Variants in C11orf65 observed in about 807,000 individuals in gnomAD.
C11orf65 encodes the protein protein MFI.
In C11orf65, 38 loss-of-function variants were observed where a neutral mutation model predicts 35.3. That is an observed-to-expected ratio of 1.08 (90% confidence interval 0.83 to 1.41). The LOEUF (loss-of-function observed/expected upper bound fraction) is 1.41, where lower values mean the gene tolerates loss of function less well. Ranked by LOEUF, C11orf65 falls within the 40% of genes most tolerant of loss-of-function variation. The pLI, the probability that C11orf65 is intolerant of heterozygous loss-of-function variation, is 0.00. For synonymous variants in C11orf65, 105 were observed against 114.4 expected, an observed-to-expected ratio of 0.92 and a Z score of 0.53; for missense variants, 370 against 367.1, an observed-to-expected ratio of 1.01 and a Z score of -0.06.
At chr11:108,405,615 T>C in intron 5 of C11orf65, 56 bp from the exon 6 acceptor site, 1 of 1,559,412 alleles carries the variant, frequency 6.4e-7, no homozygotes, top group Non-Finnish European at 8.8e-7. Context: ...TGTGAGGTTA[T>C]CTGGCAATAG....
intron 2 of C11orf65, among the ~76,000 whole-genome samples, chr11:108,348,098 C>G (rs2088676423): frequency 6.6e-6 from 1 of 151,956 alleles, no homozygotes; most frequent in Non-Finnish European, 1.5e-5. Flanking sequence ...AGGAATATAT[C>G]AAGTTTTGTA....
At chr11:108,425,337 A>T (rs1394361360) in intron 3 of C11orf65, among the ~76,000 whole-genome samples, 1 of 152,246 alleles carries the variant, frequency 6.6e-6, no homozygotes, top group African/African-American at 2.4e-5. Context: ...TCCCAGAGAA[A>T]TACAAACTAT....
chr11:108,408,711 AAT>A (rs2092598708), intron 3 of C11orf65, among the ~76,000 whole-genome samples: 3 of 127,462 alleles, frequency 2.4e-5, no homozygotes, highest in East Asian at 2.2e-4. Context: ...AATAAAATAA[AAT>A]AAAATAAAAT....
intron 3 of C11orf65, among the ~76,000 whole-genome samples, chr11:108,421,359 C>A (rs1222458724): frequency 6.6e-6 from 1 of 152,094 alleles, no homozygotes; most frequent in African/African-American, 2.4e-5. Flanking sequence ...CCAGACAAAT[C>A]AAAATACACA....
downstream of C11orf65, chr11:108,330,390 C>T (rs1449747119): frequency 2.5e-6 from 4 of 1,614,096 alleles, no homozygotes; most frequent in Admixed American, 3.3e-5. Context: ...CTTGAAAATT[C>T]TGGAGTTTCT....
At chr11:108,383,199 A>G (rs543967349) in intron 8 of C11orf65, 24 bp from the exon 9 acceptor site, 1 of 1,531,622 alleles carries the variant, frequency 6.5e-7, no homozygotes, top group East Asian at 2.3e-5. Context: ...ACAAATGATT[A>G]GAAAGATACC....
At chr11:108,437,707 TAAAAAAAAAAAAAAAAAA>T (rs145337876) in intron 2 of C11orf65, among the ~76,000 whole-genome samples, 4 of 38,032 alleles carry the variant, frequency 1.1e-4, no homozygotes, top group East Asian at 1.6e-3. Context: ...GACTCAGTCT[TAAAAAAAAAAAAAAAAAA>T]AAAAAAAAAA....
chr11:108,451,143 G>C (rs1016547203), intron 2 of C11orf65, among the ~76,000 whole-genome samples: 1 of 151,942 alleles, frequency 6.6e-6, no homozygotes, highest in Non-Finnish European at 1.5e-5. Context: ...ACATAGTGTT[G>C]GAAGTTCGGG....
intron 3 of C11orf65, chr11:108,333,992 T>G (rs768698176): frequency 1.3e-6 from 2 of 1,561,564 alleles, no homozygotes; most frequent in South Asian, 1.1e-5. Flanking sequence ...AACTCTTGAT[T>G]TTTTTTAAAC....
intron 6 of C11orf65, chr11:108,321,517 T>C (rs1444656720): frequency 1.3e-6 from 2 of 1,553,872 alleles, no homozygotes; most frequent in Non-Finnish European, 1.8e-6. Flanking sequence ...GCACGGTGGC[T>C]CATGCCTGTA....
At position 108,406,797 on chromosome 11, in the gene C11orf65, A is replaced by C; in HGVS notation, c.395T>G (p.Ile132Arg). 6.2e-7 allele frequency: 1 copy of C among 1,611,140 alleles called. No individual in the cohort carries two copies. The highest frequency in any genetic ancestry group is 1.1e-5 in the South Asian group (1 of 90,734). The change falls in exon 5 of 9, where the codon ATA becomes AGA. Residue 132 changes from isoleucine (I) to arginine (R), a missense_variant. Coordinates refer to ENST00000393084, the MANE Select transcript of C11orf65 (RefSeq NM_152587.5). ...EEDHSGWYHR[I>R]ENNGWRPVSD... ...AACTGGCCTCCAGCCATTGTTTTCTATACGATGATACCAGCCACTATGATC... is the reference window on the plus strand; with the variant it reads ...AACTGGCCTCCAGCCATTGTTTTCTCTACGATGATACCAGCCACTATGATC...
intron 6 of C11orf65, among the ~76,000 whole-genome samples, chr11:108,311,016 G>A (rs935134977): frequency 1.2e-4 from 18 of 152,332 alleles, no homozygotes; most frequent in African/African-American, 4.3e-4. Context: ...CGCCCAGGCT[G>A]TGGTGCAGTG....
intron 2 of C11orf65, among the ~76,000 whole-genome samples, chr11:108,363,284 G>T (rs912127995): frequency 3.9e-5 from 6 of 152,092 alleles, no homozygotes; most frequent in Admixed American, 1.3e-4. Context: ...TTTCTGAACT[G>T]ATCTCCCCGC....
chr11:108,316,190 A>T (rs2084634113), intron 6 of C11orf65: 1 of 1,294,376 alleles, frequency 7.7e-7, no homozygotes, highest in East Asian at 2.4e-5. Flanking sequence ...GTGGATATTT[A>T]CACAGCCAGA....
chr11:108,438,776 C>A (rs535522418), intron 2 of C11orf65, among the ~76,000 whole-genome samples: 1 of 151,916 alleles, frequency 6.6e-6, no homozygotes, highest in Non-Finnish European at 1.5e-5. Flanking sequence ...GAGGCCAAGG[C>A]GGGCAGATCA....
Position 108,359,872 on chromosome 11 carries a change from TC to T in C11orf65, c.227-24581del, listed in dbSNP as rs554537337. Reference sequence around the variant, plus strand: ...AAGATCCAAAACTGACACCCTAACATCACAATTAAAAGAGCTAGAAAAGGAA... The same window carrying T: ...AAGATCCAAAACTGACACCCTAACATACAATTAAAAGAGCTAGAAAAGGAA... On this transcript the variant is annotated intron_variant, in intron 2 of 3. Coordinates refer to the C11orf65 transcript ENST00000524755. 2.1e-3 allele frequency among the ~76,000 whole-genome samples: 315 copies of T among 151,882 alleles called. 1 individual carries two copies. The highest frequency in any genetic ancestry group is 7.1e-3 in the African/African-American group (294 of 41,386).
At chr11:108,330,970 T>A (rs1052842254), downstream of C11orf65, among the ~76,000 whole-genome samples, 26 of 152,182 alleles carry the variant, frequency 1.7e-4, 1 homozygote, top group Non-Finnish European at 2.9e-4. Context: ...ATATTGTTAG[T>A]CAATTTGAAG....
chr11:108,398,032 C>T (rs2092359772), intron 6 of C11orf65, among the ~76,000 whole-genome samples: 1 of 152,074 alleles, frequency 6.6e-6, no homozygotes, highest in Non-Finnish European at 1.5e-5. Context: ...CTATTTGGGC[C>T]AAGTATCAAA....
At chr11:108,345,976 C>A (rs2137044393) in intron 2 of C11orf65, 2 of 1,579,742 alleles carry the variant, frequency 1.3e-6, no homozygotes, top group South Asian at 1.1e-5. Flanking sequence ...TTGTTTGATT[C>A]AGCACTTTTT....
Sources: allele counts gnomAD v4.1 joint callset (sites outside exome capture counted in the v4.1 genomes callset), GRCh38; gene constraint gnomAD v4.1.1; transcripts MANE v1.5; gene names NCBI Gene and HGNC (gene_info 2026-07-23, HGNC 2026-07-21).